Variants in SEMA3E observed in about 807,000 individuals in gnomAD.
SEMA3E encodes semaphorin-3E.
SEMA3E carries 49 observed loss-of-function variants against 93.6 expected under a neutral mutation model. The ratio of observed to expected loss-of-function variants is 0.52; its 90% CI spans 0.42 to 0.66. SEMA3E has a LOEUF of 0.66. SEMA3E is among the 30% of genes least tolerant of loss of function. SEMA3E has a pLI of 0.00. For missense variants in SEMA3E, 906 were observed against 964.8 expected (o/e 0.94, Z 0.81); for synonymous variants, 363 against 330.7 (o/e 1.10, Z -1.06).
chr7:83,434,101 A>ATG (rs1160316237), intron 4 of SEMA3E, among the ~76,000 whole-genome samples: 6 of 152,096 alleles, frequency 3.9e-5, no homozygotes, highest in African/African-American at 1.2e-4. Flanking sequence ...CCTGCAAGTT[A>ATG]TGTTTGCACC....
chr7:83,461,674 C>T (rs1480278533), intron 4 of SEMA3E, among the ~76,000 whole-genome samples: 1 of 152,094 alleles, frequency 6.6e-6, no homozygotes, highest in Non-Finnish European at 1.5e-5. Flanking sequence ...GTCAAAAGGC[C>T]GTCTTATTCT....
intron 1 of SEMA3E, among the ~76,000 whole-genome samples, chr7:83,565,530 A>C (rs1792128789): frequency 6.6e-6 from 1 of 152,220 alleles, no homozygotes; most frequent in African/African-American, 2.4e-5. Flanking sequence ...GAACTTAAAA[A>C]GAAAATAAAA....
chr7:83,478,217 C>T (rs780243384), intron 2 of SEMA3E, among the ~76,000 whole-genome samples: 177 of 152,098 alleles, frequency 1.2e-3, no homozygotes, highest in Non-Finnish European at 2.8e-4. Flanking sequence ...GCCACCGTGC[C>T]GGGCCCAATT....
chr7:83,435,815 TACTTA>T (rs1362401418), intron 4 of SEMA3E, among the ~76,000 whole-genome samples: 1 of 152,162 alleles, frequency 6.6e-6, no homozygotes, highest in South Asian at 2.1e-4. Flanking sequence ...ATGGTTAATA[TACTTA>T]ACTTCATCTT....
chr7:83,423,367 T>C (rs1584238786), intron 4 of SEMA3E, among the ~76,000 whole-genome samples: 1 of 152,260 alleles, frequency 6.6e-6, no homozygotes, highest in African/African-American at 2.4e-5. Context: ...CTTTCTCACT[T>C]TTCTCCAGAA....
intron 4 of SEMA3E, among the ~76,000 whole-genome samples, chr7:83,456,401 T>C (rs73174515): frequency 8.6e-5 from 13 of 152,046 alleles, no homozygotes; most frequent in Non-Finnish European, 1.9e-4. Flanking sequence ...GCAGGGACAC[T>C]CATTTTATTC....
chr7:83,458,012 C>T (rs1280877262), intron 4 of SEMA3E, among the ~76,000 whole-genome samples: 1 of 151,864 alleles, frequency 6.6e-6, no homozygotes, highest in East Asian at 1.9e-4. Context: ...CTTTTATTAT[C>T]GGATGGTCAC....
rs774508959 is a variant in SEMA3E, at chr7:83,365,444, G to A, written c.*2142C>T. 9 of 151,914 alleles carry A rather than the reference G, an allele frequency of 5.9e-5. No homozygotes were observed. Among genetic ancestry groups the A allele is most frequent in the Non-Finnish European group, 1.2e-4 (8 of 67,966 alleles). 9.4% of individuals were successfully genotyped at this position (151,914 alleles called of 1,614,324 possible). A position where few individuals can be genotyped will look rare whatever the true frequency, so the allele number is the denominator to read the frequency against. ...TTAGCATTGAATAAACTTTCTTTGG[G>A]TTTGATTTATTTTCCTATAATAAAT... On this transcript the variant is annotated 3_prime_UTR_variant, in exon 17 of 17. Transcript: ENST00000643230.
At chr7:83,500,590 C>CTTTTTTTTTTT (rs371350850) in intron 1 of SEMA3E, among the ~76,000 whole-genome samples, 5 of 100,614 alleles carry the variant, frequency 5.0e-5, no homozygotes, top group East Asian at 3.3e-4. Context: ...AACTTTCTTC[C>CTTTTTTTTTTT]TTTTTTTTTT....
intron 1 of SEMA3E, among the ~76,000 whole-genome samples, chr7:83,604,602 CAT>C (rs980548617): frequency 6.6e-6 from 1 of 150,776 alleles, no homozygotes; most frequent in East Asian, 1.9e-4. Flanking sequence ...TACACACACA[CAT>C]ATATATATGT....
chr7:83,416,981 T>TTA (rs1273969130), intron 5 of SEMA3E, among the ~76,000 whole-genome samples: 4 of 78,226 alleles, frequency 5.1e-5, no homozygotes, highest in South Asian at 8.9e-4. Flanking sequence ...AATACTCTGT[T>TTA]TATACACACA....
At chr7:83,475,965 A>T (rs1790000701) in intron 2 of SEMA3E, among the ~76,000 whole-genome samples, 1 of 152,148 alleles carries the variant, frequency 6.6e-6, no homozygotes. Flanking sequence ...TTTTCAACGG[A>T]CAGTATTTCT....
rs775487844 is a variant in SEMA3E, at chr7:83,367,690, G to A, written c.2224C>T (p.Leu742Phe). 4.3e-6 allele frequency: 7 copies of A among 1,614,112 alleles called. No individual in the cohort carries two copies. Among genetic ancestry groups the A allele is most frequent in the Non-Finnish European group, 5.9e-6 (7 of 1,180,030 alleles). The stretch of plus-strand genomic sequence containing the variant: ...TTCCACTTGGAGGGTGACATTTTAA[G>A]CTTTTTCCTCTTTCTATCTGTGCAC... ...VWCTDRKRKKLKMSPSKWKYA... is the reference protein window; with the variant it reads ...VWCTDRKRKKFKMSPSKWKYA... The change falls in exon 17 of 17, where the codon CTT (leucine) becomes TTT (phenylalanine). Residue 742 changes from leucine (L) to phenylalanine (F), a missense_variant. Physicochemically the swap from Leu to Phe is conservative, Grantham distance 22. Coordinates refer to ENST00000643230, the MANE Select transcript of SEMA3E (RefSeq NM_012431.3).
At chr7:83,376,447 A>G (rs1436740609) in intron 16 of SEMA3E, among the ~76,000 whole-genome samples, 1 of 152,102 alleles carries the variant, frequency 6.6e-6, no homozygotes, top group Non-Finnish European at 1.5e-5. Flanking sequence ...CTGTCTCCAT[A>G]ACGCATTGAA....
At chr7:83,647,906 C>T (rs1794099989) in intron 1 of SEMA3E, among the ~76,000 whole-genome samples, 1 of 152,114 alleles carries the variant, frequency 6.6e-6, no homozygotes, top group Non-Finnish European at 1.5e-5. Context: ...ATGATGATGA[C>T]AGTTATGGGT....
At chr7:83,595,509 G>T (rs189929074) in intron 1 of SEMA3E, among the ~76,000 whole-genome samples, 35 of 152,076 alleles carry the variant, frequency 2.3e-4, no homozygotes, top group African/African-American at 7.7e-4. Flanking sequence ...AGATTTCACT[G>T]ATTTTTCCAC....
At chr7:83,592,302 T>C (rs1446255541) in intron 1 of SEMA3E, among the ~76,000 whole-genome samples, 1 of 152,166 alleles carries the variant, frequency 6.6e-6, no homozygotes, top group African/African-American at 2.4e-5. Flanking sequence ...AATAAATATA[T>C]ACTTAAAGTT....
rs113862743 is a variant in SEMA3E at position 83,431,355 on chromosome 7, AT to A, written c.457-12873del. 3.5e-3 allele frequency among the ~76,000 whole-genome samples: 520 copies of A among 150,496 alleles called. 4 individuals are homozygous for A. The highest frequency in any genetic ancestry group is 0.012 in the African/African-American group (493 of 40,102). Reference sequence around the variant, plus strand: ...AAAGTTAAATTTTTATTAGAAAAAAATAAATATAAATTAAAAAATATATCTT... The same window carrying A: ...AAAGTTAAATTTTTATTAGAAAAAAAAAATATAAATTAAAAAATATATCTT... On this transcript the variant is annotated intron_variant, in intron 4 of 16. Coordinates refer to ENST00000643230, the MANE Select transcript of SEMA3E (RefSeq NM_012431.3).
intron 1 of SEMA3E, among the ~76,000 whole-genome samples, chr7:83,513,998 T>C (rs1790878003): frequency 6.6e-6 from 1 of 152,090 alleles, no homozygotes. Context: ...AAATTACAGT[T>C]CATAAAGACC....
Sources: allele counts gnomAD v4.1 joint callset (sites outside exome capture counted in the v4.1 genomes callset), GRCh38; gene constraint gnomAD v4.1.1; transcripts MANE v1.5; gene names NCBI Gene and HGNC (gene_info 2026-07-23, HGNC 2026-07-21).